The following GGT1 variants were observed in gnomAD, a reference collection of about 807,000 sequenced individuals.
GGT1 encodes the protein gamma-glutamyltransferase 1, also known as glutathione hydrolase 1 proenzyme.
Under a neutral mutation model 56.0 loss-of-function variants are expected in GGT1, and 21 were observed. That is an observed-to-expected ratio of 0.38 (90% CI 0.27 to 0.54). The LOEUF (loss-of-function observed/expected upper bound fraction) is 0.54. Ranked by LOEUF, GGT1 falls within the 20% of genes least tolerant of loss-of-function variation. The probability of loss-of-function intolerance (pLI) is 0.82; values close to 1 mark genes in which losing one functional copy is unlikely to be tolerated. For missense variants in GGT1, 466 were observed against 787.0 expected, an observed-to-expected ratio of 0.59 and a Z score of 4.88; for synonymous variants, 238 against 342.6, an observed-to-expected ratio of 0.69 and a Z score of 3.37.
chr22:24,600,503 A>T (rs889547992), upstream of GGT1, among the ~76,000 whole-genome samples: 3 of 152,222 alleles, frequency 2.0e-5, no homozygotes, highest in African/African-American at 4.8e-5. Flanking sequence ...CAAGCTGACA[A>T]TTCTGAAGGG....
At chr22:24,617,363 A>C (rs1312126837) in intron 7 of GGT1, among the ~76,000 whole-genome samples, 1 of 152,040 alleles carries the variant, frequency 6.6e-6, no homozygotes, top group East Asian at 1.9e-4. Flanking sequence ...TTCCTGTCTG[A>C]GGGAAGTGGG....
At chr22:24,597,123 C>T (rs968634855) in intron 1 of GGT1, among the ~76,000 whole-genome samples, 4 of 151,872 alleles carry the variant, frequency 2.6e-5, no homozygotes, top group African/African-American at 9.7e-5. Flanking sequence ...GCTGGGATTA[C>T]AGGTGCCCGC....
chr22:24,623,022 C>T (rs1356311273), intron 9 of GGT1, 85 bp from the exon 10 acceptor site: 4 of 1,561,876 alleles, frequency 2.6e-6, no homozygotes, highest in Admixed American at 1.7e-5. Flanking sequence ...CCATGCCTGC[C>T]CCCAACACCA....
chr22:24,624,737 G>A (rs771127467), intron 11 of GGT1: 7 of 946,302 alleles, frequency 7.4e-6, no homozygotes, highest in Non-Finnish European at 8.8e-6. Context: ...TCTTTATCAC[G>A]GCTTATTCCC....
intron 1 of GGT1, among the ~76,000 whole-genome samples, chr22:24,596,764 T>C (rs1601608616): frequency 1.8e-5 from 2 of 110,832 alleles, no homozygotes; most frequent in Admixed American, 9.3e-5. Context: ...AAAAAAAAAA[T>C]TAGCCTGGTG....
intron 5 of GGT1, among the ~76,000 whole-genome samples, chr22:24,611,554 CTATCTATCT>C (rs1569054979): frequency 5.1e-4 from 32 of 63,074 alleles, no homozygotes; most frequent in African/African-American, 1.4e-3. Flanking sequence ...ATCTATCTAT[CTATCTATCT>C]ATCTATCTAT....
Position 24,610,287 on chromosome 22 carries a change from G to A in GGT1, c.-252G>A. 3.2e-6 allele frequency: 1 copy of A among 308,426 alleles called. No individual in the cohort carries two copies. The highest frequency in any genetic ancestry group is 6.5e-6 in the Non-Finnish European group (1 of 153,648). 19.1% of individuals were successfully genotyped at this position (308,426 alleles called of 1,614,324 possible). A position where few individuals can be genotyped will look rare whatever the true frequency, so the allele number is the denominator to read the frequency against. On this transcript the variant is annotated 5_prime_UTR_variant, in exon 4 of 16. Coordinates refer to ENST00000400382, the MANE Select transcript of GGT1 (RefSeq NM_001288833.2). Reference sequence around the variant, plus strand: ...GACAGAGAAACCAGCTAGAGGCAGAGGGAGGTAACACGGAGTCCCCCAGAA... The same window carrying A: ...GACAGAGAAACCAGCTAGAGGCAGAAGGAGGTAACACGGAGTCCCCCAGAA...
the GGT1 span, chr22:24,585,873 G>A: frequency 5.2e-5 from 81 of 1,564,918 alleles, no homozygotes; most frequent in Admixed American, 1.3e-3. Flanking sequence ...CAATGAGCCA[G>A]GTGGGTGGTG....
the GGT1 span, chr22:24,586,258 C>G: frequency 6.2e-7 from 1 of 1,613,854 alleles, no homozygotes; most frequent in Admixed American, 1.7e-5. Flanking sequence ...GCTCATCACT[C>G]AGCCCCGTGA....
the GGT1 span, chr22:24,586,475 C>T: frequency 6.5e-7 from 1 of 1,528,878 alleles, no homozygotes; most frequent in Admixed American, 1.8e-5. Flanking sequence ...TGACCACAGA[C>T]AGTGACCTGT....
intron 6 of GGT1, 31 bp downstream of exon 6, chr22:24,614,937 G>A: frequency 1.2e-6 from 2 of 1,610,376 alleles, no homozygotes; most frequent in South Asian, 2.2e-5. Flanking sequence ...GAGGGAGAGG[G>A]GCAGGGGGTG....
chr22:24,628,732 C>A lies in GGT1; in HGVS notation c.1603C>A (p.Gln535Lys), dbSNP rs1569068624. ...AALETRHHHT[Q>K]IASTFIAVVQ... ...CCTGGAGACCCGGCACCATCACACCCAGATCGCGTCCACCTTCATCGCTGT... is the reference window on the plus strand; with the variant it reads ...CCTGGAGACCCGGCACCATCACACCAAGATCGCGTCCACCTTCATCGCTGT... Residue 535 changes from glutamine to lysine, a missense_variant, in exon 16 of 16, where the codon CAG (glutamine) becomes AAG (lysine). Around this residue, in one of 2 missense-constraint regions of GGT1, gnomAD observed 10 missense variants for 70.3 expected, o/e 0.14. Transcript: ENST00000400382. The surrounding 1 kb of genome is among the most constrained non-coding windows in gnomAD (Gnocchi z 5.7). 6.2e-7 allele frequency: 1 copy of A among 1,609,560 alleles called. No individual in the cohort carries two copies. The highest frequency in any genetic ancestry group is 1.3e-5 in the African/African-American group (1 of 74,930).
rs1002404702 is a variant in GGT1, at chr22:24,628,515, C to G, written c.1563+127C>G. The G allele has an allele frequency of 7.5e-7, 1 of 1,338,640 alleles. No homozygotes were observed. The highest frequency in any genetic ancestry group is 1.2e-5 in the South Asian group (1 of 80,746). 82.9% of individuals were successfully genotyped at this position (1,338,640 alleles called of 1,614,324 possible). On this transcript the variant is annotated intron_variant, in intron 15 of 15. Transcript: ENST00000400382. The surrounding 1 kb of genome is among the most constrained non-coding windows in gnomAD (Gnocchi z 5.7). ...TCTCTAGTGCCTGGGCCATCTGGAG[C>G]CCCTGTGCCATGAGGGCCAAGCCCC...
chr22:24,624,198 G>A (rs1239275323), intron 11 of GGT1: 1 of 985,162 alleles, frequency 1.0e-6, no homozygotes, highest in East Asian at 1.1e-4. Flanking sequence ...GATGAGGAAT[G>A]CATGGGGGCA....
At chr22:24,594,597 G>A (rs1204936133), upstream of GGT1, among the ~76,000 whole-genome samples, 1 of 152,038 alleles carries the variant, frequency 6.6e-6, no homozygotes, top group Non-Finnish European at 1.5e-5. Context: ...ACCATCCACG[G>A]ACCCCCAACC....
the GGT1 span, chr22:24,586,540 G>T: frequency 1.9e-6 from 2 of 1,054,768 alleles, no homozygotes; most frequent in East Asian, 2.4e-5. Flanking sequence ...TGTGTCTTTC[G>T]TATTTTTTGA....
At chr22:24,589,933 C>T (rs754238054), upstream of GGT1, 43 of 1,604,514 alleles carry the variant, frequency 2.7e-5, no homozygotes, top group Non-Finnish European at 3.5e-5. Context: ...AAGGAGGGTC[C>T]TCTCAAGGCC....
the GGT1 span, chr22:24,586,029 G>T: frequency 6.2e-7 from 1 of 1,611,186 alleles, no homozygotes; most frequent in African/African-American, 1.3e-5. Context: ...GAGGTGCGCT[G>T]GCTCAGCCGC....
At position 24,628,532 on chromosome 22, in the gene GGT1, C is replaced by T; in HGVS notation, c.1563+144C>T. On this transcript the variant is annotated intron_variant, in intron 15 of 15. Coordinates refer to ENST00000400382, the MANE Select transcript of GGT1 (RefSeq NM_001288833.2). This position sits in a 1 kb window ranked among gnomAD's most constrained non-coding sequence, Gnocchi z 5.7. Reference sequence around the variant, plus strand: ...ATCTGGAGCCCCTGTGCCATGAGGGCCAAGCCCCCTGCTCCAGTGAGACCC... The same window carrying T: ...ATCTGGAGCCCCTGTGCCATGAGGGTCAAGCCCCCTGCTCCAGTGAGACCC... 8.9e-7 allele frequency: 1 copy of T among 1,123,444 alleles called. No individual in the cohort carries two copies. The highest frequency in any genetic ancestry group is 1.3e-6 in the Non-Finnish European group (1 of 778,432). The allele number at this position is 1,123,444 out of a possible 1,614,324, so 69.6% of individuals were successfully genotyped here.
Sources: gnomAD v4.1 joint callset for allele counts (sites outside exome capture counted in the v4.1 genomes callset) on GRCh38, gnomAD v4.1.1 for gene constraint, gnomAD v4.1.1 regional missense constraint, Gnocchi (gnomAD v3.1) non-coding constraint, MANE v1.5 for transcripts, NCBI Gene and HGNC (gene_info 2026-07-23, HGNC 2026-07-21) for gene names.